AK7: variants seen among roughly 807,000 people sequenced by gnomAD.
AK7 encodes adenylate kinase 7, also known as ATP-AMP transphosphorylase 7.
AK7 carries 78 observed loss-of-function variants against 96.6 expected under a neutral mutation model. The ratio of observed to expected loss-of-function variants is 0.81; its 90% CI spans 0.67 to 0.97. The LOEUF is 0.97. Among genes scored for constraint, AK7 ranks in the 50% least tolerant of loss-of-function variants. The pLI is 0.00. For missense variants in AK7, 855 were observed against 887.9 expected (o/e 0.96, Z 0.47); for synonymous variants, 302 against 317.2 (o/e 0.95, Z 0.51).
rs765914228 is a variant in AK7 at position 96,483,170 on chromosome 14, AC to A, written c.1927del (p.Gln643ArgfsTer10). The A allele has an allele frequency of 1.9e-6, 3 of 1,613,118 alleles. No homozygotes were observed. In the African/African-American group the frequency reaches 4.0e-5, roughly 22 times the overall value. Reference sequence around the variant, plus strand: ...GCTGCTGAGGAAGCAGAACGCGAGCACCAGGAGGCCGTGGAGATGGCAGAGA... The same window carrying A: ...GCTGCTGAGGAAGCAGAACGCGAGCACAGGAGGCCGTGGAGATGGCAGAGA... ...REAAEEAERE[H>X]QEAVEMAEKI... On this transcript the variant is annotated frameshift_variant, in exon 16 of 18. Coordinates refer to ENST00000267584, the MANE Select transcript of AK7 (RefSeq NM_152327.5). LOFTEE classifies it high-confidence loss of function.
chr14:96,472,761 T>C lies in AK7; in HGVS notation c.1555+6T>C. 1.9e-6 allele frequency: 3 copies of C among 1,605,488 alleles called. 1 individual carries two copies. The highest frequency in any genetic ancestry group is 1.7e-4 in the Middle Eastern group (1 of 6,046). On this transcript the variant is annotated splice_donor_region_variant and intron_variant, in intron 14 of 17. Transcript: ENST00000267584. ...TGATAAATTAATTATACCTGGTAAG[T>C]TTATTTCCCTAAGATCACATTTAAA...
intron 12 of AK7, 85 bp from the exon 13 acceptor site, chr14:96,471,393 A>G (rs933262508): frequency 2.4e-6 from 2 of 836,624 alleles, no homozygotes; most frequent in Non-Finnish European, 1.7e-6. Context: ...TGACTACACA[A>G]CAATTTTTGA....
intron 10 of AK7, among the ~76,000 whole-genome samples, chr14:96,455,353 T>C (rs8016798): frequency 2.6e-5 from 4 of 152,002 alleles, no homozygotes. Flanking sequence ...AACATGGTGG[T>C]GTGCCTCTGT....
intron 12 of AK7, among the ~76,000 whole-genome samples, chr14:96,459,119 C>T (rs1284340064): frequency 6.6e-6 from 1 of 152,012 alleles, no homozygotes; most frequent in African/African-American, 2.4e-5. Context: ...GGGCGGATCA[C>T]CTGAGGTCAG....
intron 10 of AK7, among the ~76,000 whole-genome samples, chr14:96,452,335 T>TA (rs1449203397): frequency 2.0e-5 from 3 of 152,122 alleles, no homozygotes; most frequent in Non-Finnish European, 4.4e-5. Context: ...CTTTTTTTTT[T>TA]TTATTCAGAC....
At chr14:96,487,138 G>A in intron 17 of AK7, 82 bp downstream of exon 17, 1 of 1,456,982 alleles carries the variant, frequency 6.9e-7, no homozygotes, top group Non-Finnish European at 9.4e-7. Flanking sequence ...ACTTTGGGAG[G>A]CCAAGGTCAG....
intron 5 of AK7, among the ~76,000 whole-genome samples, chr14:96,429,662 T>G (rs891000768): frequency 1.5e-4 from 23 of 152,354 alleles, no homozygotes; most frequent in South Asian, 8.3e-4. Flanking sequence ...TAGTTCTCCT[T>G]GAAGAAGTCC....
At position 96,456,515 on chromosome 14, in the gene AK7, T is replaced by G. The variant is rs771444237; in HGVS notation, c.1227+40T>G. The G allele has an allele frequency of 2.5e-6, 4 of 1,597,462 alleles. No individual in the cohort carries two copies. In the South Asian group the frequency reaches 4.5e-5, roughly 18 times the overall value. On this transcript the variant is annotated intron_variant, in intron 11 of 17. Transcript: ENST00000267584. ...TATTTTCCTGGGCATTTTAATTAAT[T>G]ACTGTATTGTTCTTAGGGTATAAAG...
chr14:96,427,778 C>G (rs1208370006), intron 5 of AK7, among the ~76,000 whole-genome samples: 1 of 152,100 alleles, frequency 6.6e-6, no homozygotes, highest in African/African-American at 2.4e-5. Flanking sequence ...AGGCTATTTT[C>G]TAGATCCTAT....
chr14:96,439,703 C>T (rs1464741511), intron 6 of AK7, among the ~76,000 whole-genome samples: 1 of 149,338 alleles, frequency 6.7e-6, no homozygotes, highest in Non-Finnish European at 1.5e-5. Flanking sequence ...GAAAGAATGA[C>T]AAATTGTGTC....
At position 96,429,718 on chromosome 14, in the gene AK7, G is replaced by T. The variant is rs370527858; in HGVS notation, c.610-8117G>T. ...GATTCCTAGGTATTTTATTCTCTTT[G>T]AAGCAATTCCAAATGAGAGTTCACT... is the stretch of plus-strand genomic sequence containing the variant. On this transcript the variant is annotated intron_variant, in intron 5 of 17. Transcript: ENST00000267584. Among the ~76,000 whole-genome samples, 3 of 152,202 alleles carry T rather than the reference G, an allele frequency of 2.0e-5. No individual in the cohort carries two copies. The South Asian group carries it at 6.2e-4, about 32-fold the overall frequency.
chr14:96,468,281 CT>C (rs1333676705), intron 12 of AK7, among the ~76,000 whole-genome samples: 13 of 141,732 alleles, frequency 9.2e-5, no homozygotes, highest in African/African-American at 3.4e-4. Flanking sequence ...AAATACATAG[CT>C]TTTGCACTCT....
chr14:96,412,397 T>C (rs1463088311), intron 4 of AK7, among the ~76,000 whole-genome samples: 2 of 150,800 alleles, frequency 1.3e-5, no homozygotes, highest in African/African-American at 4.9e-5. Context: ...CCAGCTAATT[T>C]TTGTATTTTT....
intron 8 of AK7, among the ~76,000 whole-genome samples, chr14:96,448,254 T>C (rs1893358336): frequency 6.6e-6 from 1 of 152,154 alleles, no homozygotes; most frequent in Admixed American, 6.6e-5. Flanking sequence ...CTGTTTGAAC[T>C]GCTACAACAA....
At chr14:96,403,310 A>C (rs1316069337) in intron 2 of AK7, among the ~76,000 whole-genome samples, 2 of 151,958 alleles carry the variant, frequency 1.3e-5, no homozygotes, top group Non-Finnish European at 2.9e-5. Flanking sequence ...GATTGCCAGC[A>C]AACAAGCAGA....
intron 5 of AK7, among the ~76,000 whole-genome samples, chr14:96,426,776 G>A (rs1010140122): frequency 2.0e-5 from 3 of 152,220 alleles, no homozygotes; most frequent in Non-Finnish European, 4.4e-5. Context: ...TCTGCTGCTA[G>A]ATGTATTAGA....
chr14:96,466,346 C>T (rs1595450935), intron 12 of AK7, among the ~76,000 whole-genome samples: 1 of 152,070 alleles, frequency 6.6e-6, no homozygotes, highest in Non-Finnish European at 1.5e-5. Flanking sequence ...ACACCATTCT[C>T]CTGCCTCAGC....
Position 96,417,290 on chromosome 14 carries a change from C to T in AK7, c.499-3532C>T, listed in dbSNP as rs147945724. ...TGAATAATTGTTTAGCATACCTATA[C>T]CCTGTGCAATATGAAGACAAGCTTG... is the stretch of plus-strand genomic sequence containing the variant. On this transcript the variant is annotated intron_variant, in intron 4 of 17. Coordinates refer to ENST00000267584, the MANE Select transcript of AK7 (RefSeq NM_152327.5). 4.5e-3 allele frequency among the ~76,000 whole-genome samples: 218 copies of T among 48,090 alleles called. 1 individual carries two copies. Among genetic ancestry groups the T allele is most frequent in the African/African-American group, 0.023 (201 of 8,556 alleles). The allele number at this position is 48,090 out of a possible 152,430, so 31.5% of individuals were successfully genotyped here. A position where few individuals can be genotyped will look rare whatever the true frequency, so the allele number is the denominator to read the frequency against.
chr14:96,452,292 T>C (rs1332688549), intron 10 of AK7, among the ~76,000 whole-genome samples: 1 of 152,098 alleles, frequency 6.6e-6, no homozygotes. Context: ...ATAGTATAGA[T>C]TAGGAAACAA....
Sources: gnomAD v4.1 joint callset for allele counts (sites outside exome capture counted in the v4.1 genomes callset) on GRCh38, gnomAD v4.1.1 for gene constraint, MANE v1.5 for transcripts, NCBI Gene and HGNC (gene_info 2026-07-23, HGNC 2026-07-21) for gene names.